Variants in SSC4D observed in about 807,000 individuals in gnomAD.
SSC4D encodes the protein scavenger receptor cysteine rich family member with 4 domains.
SSC4D carries 57 observed loss-of-function variants against 63.4 expected under a neutral mutation model. The observed-to-expected ratio is 0.90, with a 90% confidence interval of 0.73 to 1.12. SSC4D has a LOEUF of 1.12. SSC4D is among the 50% of genes most tolerant of loss of function. The probability of loss-of-function intolerance (pLI) is 0.00; values close to 1 mark genes in which losing one functional copy is unlikely to be tolerated. For synonymous variants in SSC4D, 352 were observed against 345.4 expected (o/e 1.02, Z -0.21); for missense variants, 791 against 806.4 (o/e 0.98, Z 0.23).
chr7:76,393,562 G>C lies in SSC4D; in HGVS notation c.1176C>G (p.Gly392=). ...CREAGCGPAL[G]ATGLGHFGYG... The stretch of plus-strand genomic sequence containing the variant: ...AGCCGAAGTGGCCCAGTCCCGTAGC[G>C]CCCAGCGCAGGCCCGCAGCCCGCTT... The change falls in exon 9 of 11, where the codon GGC becomes GGG. Residue 392 remains glycine (G), a synonymous_variant. Coordinates refer to ENST00000275560, the MANE Select transcript of SSC4D (RefSeq NM_080744.2). 1 of 1,517,418 alleles carries C rather than the reference G, an allele frequency of 6.6e-7. No individual in the cohort carries two copies. The highest frequency in any genetic ancestry group is 1.2e-5 in the South Asian group (1 of 81,750). The allele number at this position is 1,517,418 out of a possible 1,614,324, so 94.0% of individuals were successfully genotyped here. A position where few individuals can be genotyped will look rare whatever the true frequency, so the allele number is the denominator to read the frequency against.
chr7:76,405,075 G>GA (rs1233887142), intron 1 of SSC4D, among the ~76,000 whole-genome samples: 2 of 149,212 alleles, frequency 1.3e-5, no homozygotes, highest in African/African-American at 4.9e-5. Context: ...GCCTCAAAAA[G>GA]AAAAAAATTA....
At chr7:76,400,660 G>T in intron 3 of SSC4D, 69 bp from the exon 4 acceptor site, 1 of 1,373,918 alleles carries the variant, frequency 7.3e-7, no homozygotes, top group Non-Finnish European at 9.6e-7. Context: ...ACTCCAGGAT[G>T]TCCTTTTATT....
In SSC4D at chr7:76,400,596, G is replaced by A. The variant is rs902509208; in HGVS notation, c.170-5C>T. 1 of 1,456,248 alleles carries A rather than the reference G, an allele frequency of 6.9e-7. No individual in the cohort carries two copies. The highest frequency in any genetic ancestry group is 9.1e-7 in the Non-Finnish European group (1 of 1,101,572). 90.2% of individuals were successfully genotyped at this position (1,456,248 alleles called of 1,614,324 possible). On this transcript the variant is annotated splice_polypyrimidine_tract_variant and splice_region_variant and intron_variant, in intron 3 of 10. Transcript: ENST00000275560. ...GGCCCCCCACCAGCCTCAGCTCTGT[G>A]AAGAGGGTGGAGCTGGCACCAGGGG...
chr7:76,397,874 C>T, intron 5 of SSC4D, 42 bp from the exon 6 acceptor site: 4 of 1,478,540 alleles, frequency 2.7e-6, no homozygotes, highest in Non-Finnish European at 3.6e-6. Flanking sequence ...TCCCACTGGC[C>T]TCTGCCCCCG....
At position 76,400,403 on chromosome 7, in the gene SSC4D, T is replaced by C; in HGVS notation, c.358A>G (p.Ile120Val). ...CGGCACTCCACGTTGTCCAGCAGGA[T>C]GGGGCCTCGGCCTTGGCCAAAGGCA... ...PLAFGQGRGP[I>V]LLDNVECRGQ... Residue 120 changes from isoleucine to valine, a missense_variant, in exon 4 of 11, where the codon ATC (isoleucine) becomes GTC (valine). Transcript: ENST00000275560. 6.2e-7 allele frequency: 1 copy of C among 1,601,594 alleles called. No homozygotes were observed. Among genetic ancestry groups the C allele is most frequent in the Non-Finnish European group, 8.5e-7 (1 of 1,171,640 alleles).
At position 76,402,897 on chromosome 7, in the gene SSC4D, C is replaced by T. The variant is rs1216745966; in HGVS notation, c.133+1410G>A. ...GGTCAGGCTGGTCTCAAACTCCCGA[C>T]CTCAGGTGATCCATCCGCCTCAGCC... On this transcript the variant is annotated intron_variant, in intron 2 of 10. Coordinates refer to ENST00000275560, the MANE Select transcript of SSC4D (RefSeq NM_080744.2). 4.6e-5 allele frequency among the ~76,000 whole-genome samples: 7 copies of T among 152,272 alleles called. No homozygotes were observed. In the East Asian group the frequency reaches 9.7e-4, roughly 21 times the overall value.
intron 2 of SSC4D, among the ~76,000 whole-genome samples, chr7:76,401,896 C>G (rs955712227): frequency 6.6e-6 from 1 of 152,200 alleles, no homozygotes; most frequent in Non-Finnish European, 1.5e-5. Context: ...CCAGACTCTC[C>G]GCTCAGAACC....
intron 9 of SSC4D, among the ~76,000 whole-genome samples, chr7:76,392,911 G>A (rs543645936): frequency 3.9e-5 from 6 of 152,116 alleles, no homozygotes; most frequent in Non-Finnish European, 5.9e-5. Flanking sequence ...ACCAAATGAG[G>A]GTGAAGATAT....
chr7:76,400,008 T>A (rs117455773), intron 4 of SSC4D, among the ~76,000 whole-genome samples: 2,184 of 152,110 alleles, frequency 0.014, 39 homozygotes, highest in African/African-American at 0.039. Flanking sequence ...TCTAAAAAAA[T>A]TTTTTTTAAA....
At chr7:76,402,173 T>A (rs1804853020) in intron 2 of SSC4D, among the ~76,000 whole-genome samples, 1 of 145,066 alleles carries the variant, frequency 6.9e-6, no homozygotes, top group Non-Finnish European at 1.5e-5. Flanking sequence ...CCTGCCACCC[T>A]GCCCAGCTAT....
At position 76,402,040 on chromosome 7, in the gene SSC4D, GA is replaced by G. The variant is rs916624239; in HGVS notation, c.134-998del. 6.7e-4 allele frequency among the ~76,000 whole-genome samples: 101 copies of G among 151,474 alleles called. 1 individual carries two copies. Among genetic ancestry groups the G allele is most frequent in the African/African-American group, 2.4e-3 (97 of 41,150 alleles). On this transcript the variant is annotated intron_variant, in intron 2 of 10. Coordinates refer to ENST00000275560, the MANE Select transcript of SSC4D (RefSeq NM_080744.2). ...TTCTTCTTCTTCTTCTTCTTTTTAA[GA>G]CAGTGTCTCAGTCTGTCACCCAGCC...
rs1055740203 is a variant in SSC4D, at chr7:76,400,874, C to T, written c.169+134G>A. ...CAATCCCTTCTGGAAAATGGGGAGACTACAGCTCCCCTGAGATGGGGGCAT... is the reference window on the plus strand; with the variant it reads ...CAATCCCTTCTGGAAAATGGGGAGATTACAGCTCCCCTGAGATGGGGGCAT... On this transcript the variant is annotated intron_variant, in intron 3 of 10. Coordinates refer to ENST00000275560, the MANE Select transcript of SSC4D (RefSeq NM_080744.2). The T allele has an allele frequency of 3.9e-5, 49 of 1,271,198 alleles. No homozygotes were observed. In the South Asian group the frequency reaches 4.8e-4, roughly 12 times the overall value. 78.7% of individuals were successfully genotyped at this position (1,271,198 alleles called of 1,614,324 possible). A position where few individuals can be genotyped will look rare whatever the true frequency, so the allele number is the denominator to read the frequency against.
intron 1 of SSC4D, among the ~76,000 whole-genome samples, chr7:76,405,472 G>A (rs1202166703): frequency 4.1e-5 from 6 of 146,492 alleles, no homozygotes; most frequent in Non-Finnish European, 6.0e-5. Context: ...GTGAGCCACC[G>A]TGCCAGCCCA....
At chr7:76,390,503 G>A (rs1204366332) in intron 10 of SSC4D, 128 bp from the exon 11 acceptor site, 26 of 819,160 alleles carry the variant, frequency 3.2e-5, no homozygotes, top group Non-Finnish European at 4.1e-5. Context: ...CTAGATGAAG[G>A]CAGACACATG....
rs1804964138 is a variant in SSC4D at position 76,405,274 on chromosome 7, TATATATA to T, written c.-66-776_-66-770del. 7.5e-4 allele frequency among the ~76,000 whole-genome samples: 16 copies of T among 21,250 alleles called. 1 individual carries two copies. The highest frequency in any genetic ancestry group is 3.5e-3 in the African/African-American group (11 of 3,144). The allele number at this position is 21,250 out of a possible 152,430, so 13.9% of individuals were successfully genotyped here. The stretch of plus-strand genomic sequence containing the variant: ...GTGCATCACCACACCCAGCTAATTA[TATATATA>T]TATATATATATATATATATATATAT... On this transcript the variant is annotated intron_variant, in intron 1 of 10. Transcript: ENST00000275560.
At chr7:76,392,090 C>A in intron 9 of SSC4D, 49 bp from the exon 10 acceptor site, 2 of 1,540,400 alleles carry the variant, frequency 1.3e-6, no homozygotes, top group Non-Finnish European at 1.8e-6. Context: ...CAATGGGAAG[C>A]ATGTTCCTTA....
At chr7:76,405,071 A>G (rs1295016941) in intron 1 of SSC4D, among the ~76,000 whole-genome samples, 3 of 151,182 alleles carry the variant, frequency 2.0e-5, no homozygotes, top group Admixed American at 6.6e-5. Context: ...CTCTGCCTCA[A>G]AAAGAAAAAA....
chr7:76,391,209 G>A (rs1804488027), intron 10 of SSC4D, among the ~76,000 whole-genome samples: 1 of 152,052 alleles, frequency 6.6e-6, no homozygotes, highest in East Asian at 1.9e-4. Flanking sequence ...CAAGGCTGGT[G>A]GATCACTTGA....
intron 1 of SSC4D, 39 bp from the exon 2 acceptor site, chr7:76,404,544 C>CA: frequency 6.4e-7 from 1 of 1,568,272 alleles, no homozygotes; most frequent in Non-Finnish European, 8.7e-7. Context: ...GGCCTCCCAG[C>CA]ACTTTGGGAG....
Sources: gnomAD v4.1 joint callset for allele counts (sites outside exome capture counted in the v4.1 genomes callset) on GRCh38, gnomAD v4.1.1 for gene constraint, MANE v1.5 for transcripts, NCBI Gene and HGNC (gene_info 2026-07-23, HGNC 2026-07-21) for gene names.